The following DRAM1 variants were observed in gnomAD, a reference collection of about 807,000 sequenced individuals.
DRAM1 encodes the protein DNA damage-regulated autophagy modulator protein 1.
DRAM1 carries 25 observed loss-of-function variants against 28.5 expected under a neutral mutation model. The observed-to-expected ratio is 0.88, with a 90% CI of 0.64 to 1.23. DRAM1 has a LOEUF of 1.23. Among genes scored for constraint, DRAM1 ranks in the 50% most tolerant of loss-of-function variants. The pLI is 0.00. For synonymous variants in DRAM1, 113 were observed against 114.2 expected (o/e 0.99, Z 0.07); for missense variants, 249 against 299.2 (o/e 0.83, Z 1.24).
chr12:101,898,459 G>T (rs1315526012), intron 2 of DRAM1, among the ~76,000 whole-genome samples: 2 of 152,168 alleles, frequency 1.3e-5, no homozygotes, highest in Admixed American at 6.5e-5. Context: ...AACAGGATTT[G>T]CTGTAGGTGG....
intron 2 of DRAM1, among the ~76,000 whole-genome samples, chr12:101,900,714 A>G (rs2121097113): frequency 6.6e-6 from 1 of 152,310 alleles, no homozygotes; most frequent in Middle Eastern, 3.4e-3. Flanking sequence ...TGGGAGTCTA[A>G]ATCGTCAACG....
At chr12:101,919,885 T>G (rs1874410228) in intron 5 of DRAM1, 2 of 365,398 alleles carry the variant, frequency 5.5e-6, no homozygotes, top group Non-Finnish European at 9.8e-6. Context: ...AAAACAAGAG[T>G]TTGTGCGAGC....
chr12:101,902,741 A>G (rs1316792954), intron 3 of DRAM1, among the ~76,000 whole-genome samples: 1 of 152,192 alleles, frequency 6.6e-6, no homozygotes. Context: ...CAGAAATAGA[A>G]TCTTAACTTC....
chr12:101,895,569 T>TTTGGTTTTTA, intron 1 of DRAM1, among the ~76,000 whole-genome samples: 1 of 131,128 alleles, frequency 7.6e-6, no homozygotes, highest in African/African-American at 3.0e-5. Flanking sequence ...GGAGGCTATT[T>TTTGGTTTTTA]TTTTTTTTTT....
chr12:101,895,822 G>A (rs1459580962), intron 1 of DRAM1, among the ~76,000 whole-genome samples: 6 of 151,432 alleles, frequency 4.0e-5, no homozygotes, highest in Non-Finnish European at 5.9e-5. Flanking sequence ...CACCTGCCTC[G>A]GGCTCCCGTA....
At chr12:101,904,426 GGTTTTTTTTTTT>G (rs1289357907) in intron 3 of DRAM1, among the ~76,000 whole-genome samples, 735 of 38,832 alleles carry the variant, frequency 0.019, 58 homozygotes, top group African/African-American at 0.04. Flanking sequence ...GAGCTTTAGG[GGTTTTTTTTTTT>G]TTTTTTTTTT....
chr12:101,884,017 G>C (rs973132812), intron 1 of DRAM1, among the ~76,000 whole-genome samples: 4 of 151,168 alleles, frequency 2.6e-5, no homozygotes, highest in Non-Finnish European at 4.4e-5. Context: ...AGCATAAAGT[G>C]ATATTTCTTA....
At chr12:101,917,960 T>C (rs547847566) in intron 5 of DRAM1, among the ~76,000 whole-genome samples, 2 of 152,270 alleles carry the variant, frequency 1.3e-5, no homozygotes, top group South Asian at 4.1e-4. Context: ...GGGAAGGGCT[T>C]ATCGAAGTAT....
intron 4 of DRAM1, among the ~76,000 whole-genome samples, chr12:101,910,767 C>T (rs567381302): frequency 6.6e-6 from 1 of 152,180 alleles, no homozygotes; most frequent in East Asian, 1.9e-4. Context: ...GTGTGAGCCA[C>T]TGTGCCTGGC....
intron 3 of DRAM1, among the ~76,000 whole-genome samples, chr12:101,906,243 CT>C (rs374720915): frequency 3.5e-4 from 52 of 147,802 alleles, no homozygotes; most frequent in Middle Eastern, 3.5e-3. Flanking sequence ...GTTAAAAGGT[CT>C]TTTTTTTTTT....
At position 101,878,912 on chromosome 12, in the gene DRAM1, T is replaced by G. The variant is rs529626082; in HGVS notation, c.131+992T>G. 1.1e-3 allele frequency among the ~76,000 whole-genome samples: 174 copies of G among 152,210 alleles called. 2 individuals are homozygous for G. Among genetic ancestry groups the G allele is most frequent in the East Asian group, 3.1e-3 (16 of 5,188 alleles). Reference sequence around the variant, plus strand: ...TGTTTTTTTGTTTGTTTGTTTGTTTTTTTCCTTTTTTTGGGGGTGGGGGTG... The same window carrying G: ...TGTTTTTTTGTTTGTTTGTTTGTTTGTTTCCTTTTTTTGGGGGTGGGGGTG... On this transcript the variant is annotated intron_variant, in intron 1 of 6. Transcript: ENST00000258534.
intron 1 of DRAM1, among the ~76,000 whole-genome samples, chr12:101,879,404 G>C (rs1009637598): frequency 6.6e-6 from 1 of 152,218 alleles, no homozygotes; most frequent in Non-Finnish European, 1.5e-5. Flanking sequence ...TGTATATCAA[G>C]ATGTTCTCAT....
At chr12:101,895,110 TC>T (rs939482680) in intron 1 of DRAM1, among the ~76,000 whole-genome samples, 1 of 149,072 alleles carries the variant, frequency 6.7e-6, no homozygotes, top group African/African-American at 2.5e-5. Context: ...AAGGGCATCC[TC>T]CACCTCAACA....
At chr12:101,905,613 A>G (rs1467646279) in intron 3 of DRAM1, among the ~76,000 whole-genome samples, 3 of 151,658 alleles carry the variant, frequency 2.0e-5, no homozygotes, top group Admixed American at 6.6e-5. Context: ...TTTTTGAGAC[A>G]AGGTCTCACT....
rs573258368 is a variant in DRAM1, at chr12:101,922,733, A to G, written c.*1473A>G. ...AGGCAAATGTAAGCATGCTTTCTTT[A>G]AGACGCATCATAAATGGTTTTCTTT... On this transcript the variant is annotated 3_prime_UTR_variant, in exon 7 of 7. Transcript: ENST00000258534. 6.6e-6 allele frequency: 1 copy of G among 152,342 alleles called. No individual in the cohort carries two copies. Among genetic ancestry groups the G allele is most frequent in the African/African-American group, 2.4e-5 (1 of 41,582 alleles). 9.4% of individuals were successfully genotyped at this position (152,342 alleles called of 1,614,324 possible).
At chr12:101,906,869 A>AAAAAG (rs1347097293) in intron 3 of DRAM1, among the ~76,000 whole-genome samples, 22 of 147,912 alleles carry the variant, frequency 1.5e-4, no homozygotes, top group East Asian at 3.9e-4. Flanking sequence ...AAAAAAAAAA[A>AAAAAG]AAAAGAAAAG....
chr12:101,888,786 A>ATTTTTTTTTTT (rs34825466), intron 1 of DRAM1, among the ~76,000 whole-genome samples: 1 of 107,940 alleles, frequency 9.3e-6, no homozygotes, highest in African/African-American at 4.5e-5. Flanking sequence ...AAACATCTCA[A>ATTTTTTTTTTT]TTTTTTTTTT....
At position 101,897,877 on chromosome 12, in the gene DRAM1, C is replaced by T; in HGVS notation, c.146C>T (p.Thr49Ile). The T allele has an allele frequency of 1.9e-6, 3 of 1,610,676 alleles. No homozygotes were observed. Among genetic ancestry groups the T allele is most frequent in the East Asian group, 4.5e-5 (2 of 44,818 alleles). ...FLPYISDTGT[T>I]PPESGIFGFM... Reference sequence around the variant, plus strand: ...CCCTTTGCCAGTGATACGGGAACAACACCTCCAGAGAGTGGTATTTTTGGA... The same window carrying T: ...CCCTTTGCCAGTGATACGGGAACAATACCTCCAGAGAGTGGTATTTTTGGA... The change falls in exon 2 of 7, where the codon ACA becomes ATA. Residue 49 changes from threonine (T) to isoleucine (I), a missense_variant. Thr to Ile is a moderately conservative substitution (Grantham distance 89). This residue lies in a region of DRAM1 where 218 missense variants were observed against 243.1 expected (regional missense o/e 0.90). Coordinates refer to ENST00000258534, the MANE Select transcript of DRAM1 (RefSeq NM_018370.3).
intron 2 of DRAM1, among the ~76,000 whole-genome samples, chr12:101,899,032 C>T (rs914230404): frequency 6.6e-6 from 1 of 152,140 alleles, no homozygotes; most frequent in Non-Finnish European, 1.5e-5. Context: ...AAGTGTTTGC[C>T]AAGGGCCTAT....
Sources: allele counts gnomAD v4.1 joint callset (sites outside exome capture counted in the v4.1 genomes callset), GRCh38; gene constraint gnomAD v4.1.1; regional missense constraint gnomAD v4.1.1; transcripts MANE v1.5; gene names NCBI Gene and HGNC (gene_info 2026-07-23, HGNC 2026-07-21).